Variants in PHGDH observed in about 807,000 individuals in gnomAD.
The protein encoded by PHGDH is phosphoglycerate dehydrogenase.
In PHGDH, 50 loss-of-function variants were observed where a neutral mutation model predicts 52.6. That is an observed-to-expected ratio of 0.95 (90% CI 0.76 to 1.20). The LOEUF is 1.20. Ranked by LOEUF, PHGDH falls within the 50% of genes most tolerant of loss-of-function variation. The pLI, the probability that PHGDH is intolerant of heterozygous loss-of-function variation, is 0.00. For synonymous variants in PHGDH, 271 were observed against 280.5 expected, an observed-to-expected ratio of 0.97 and a Z score of 0.34; for missense variants, 630 against 684.6, an observed-to-expected ratio of 0.92 and a Z score of 0.89.
rs587763066 is a variant in PHGDH at position 119,714,213 on chromosome 1, C to T, written c.138+2053C>T. Among the ~76,000 whole-genome samples the T allele has an allele frequency of 1.1e-3, 163 of 152,264 alleles. 1 individual carries two copies. The highest frequency in any genetic ancestry group is 3.8e-3 in the African/African-American group (159 of 41,532). On this transcript the variant is annotated intron_variant, in intron 1 of 11. Transcript: ENST00000641023. ...TGAAGAGGTGTCTGGCATAGTGTCT[C>T]CTGCCCTCCCCCACTGAAGTCTCTT...
intron 10 of PHGDH, 186 bp from the exon 11 acceptor site, chr1:119,742,621 T>C (rs1557982708): frequency 3.1e-6 from 2 of 641,890 alleles, no homozygotes; most frequent in Non-Finnish European, 5.7e-6. Flanking sequence ...CATTGGCTGT[T>C]CCAGGAAGCT....
At chr1:119,714,592 C>T (rs999613106) in intron 1 of PHGDH, 2 of 152,200 alleles carry the variant, frequency 1.3e-5, no homozygotes, top group Admixed American at 1.3e-4. Context: ...CTTGGCCGGG[C>T]GCGGTGGCTC....
At chr1:119,741,982 G>A (rs910786754) in intron 10 of PHGDH, 85 bp downstream of exon 10, 110 of 1,180,398 alleles carry the variant, frequency 9.3e-5, no homozygotes, top group Non-Finnish European at 1.1e-4. Flanking sequence ...TTCTCTGAGC[G>A]GAGGCCTAGG....
chr1:119,738,863 T>C (rs868446918), intron 8 of PHGDH, among the ~76,000 whole-genome samples: 1 of 152,182 alleles, frequency 6.6e-6, no homozygotes, highest in Non-Finnish European at 1.5e-5. Context: ...GTGTATCTGC[T>C]GCAGGACACA....
chr1:119,723,497 C>T, intron 3 of PHGDH, 56 bp downstream of exon 3: 2 of 1,347,014 alleles, frequency 1.5e-6, no homozygotes. Flanking sequence ...ATTATTACCA[C>T]TTGCCAAGCA....
chr1:119,723,441 G>C lies in PHGDH; in HGVS notation c.356G>C (p.Arg119Thr). The change falls in exon 3 of 12, where the codon AGG (arginine) becomes ACG (threonine). Residue 119 changes from arginine (R) to threonine (T), a missense_variant and splice_region_variant. Transcript: ENST00000641023. ...LTCGMIMCLARQIPQATASMK... is the reference protein window; with the variant it reads ...LTCGMIMCLATQIPQATASMK... ...TGTGGAATGATCATGTGCCTGGCCA[G>C]GTAAGTCCCTGACTTCTCAGCAAAG... 1.2e-6 allele frequency: 2 copies of C among 1,612,164 alleles called. No individual in the cohort carries two copies. Among genetic ancestry groups the C allele is most frequent in the South Asian group, 1.1e-5 (1 of 91,042 alleles).
At chr1:119,732,475 A>T (rs1453137833) in intron 5 of PHGDH, among the ~76,000 whole-genome samples, 1 of 152,170 alleles carries the variant, frequency 6.6e-6, no homozygotes, top group Non-Finnish European at 1.5e-5. Flanking sequence ...CCTTTCCAGG[A>T]CACACCAGGA....
intron 5 of PHGDH, 151 bp from the exon 6 acceptor site, chr1:119,734,483 C>G (rs1253333534): frequency 5.1e-6 from 4 of 776,778 alleles, no homozygotes; most frequent in Non-Finnish European, 9.1e-6. Flanking sequence ...GAACATGGTA[C>G]TTAGTGTATG....
intron 5 of PHGDH, among the ~76,000 whole-genome samples, chr1:119,732,262 C>T (rs1348339733): frequency 6.6e-6 from 1 of 152,236 alleles, no homozygotes; most frequent in Admixed American, 6.5e-5. Flanking sequence ...TGACCTCAGG[C>T]AGGTAGGAGC....
intron 6 of PHGDH, 109 bp downstream of exon 6, chr1:119,734,875 G>A (rs759970721): frequency 4.3e-6 from 5 of 1,170,772 alleles, no homozygotes; most frequent in Non-Finnish European, 5.1e-6. Context: ...TGTGGGGAGA[G>A]GTCCACCTGG....
At chr1:119,718,440 G>T (rs759518285) in intron 1 of PHGDH, among the ~76,000 whole-genome samples, 1 of 152,192 alleles carries the variant, frequency 6.6e-6, no homozygotes, top group Non-Finnish European at 1.5e-5. Flanking sequence ...TCTCTCCAAG[G>T]GATTTTACAG....
intron 1 of PHGDH, 126 bp downstream of exon 1, chr1:119,712,286 T>A: frequency 2.8e-6 from 2 of 716,086 alleles, no homozygotes; most frequent in Non-Finnish European, 4.8e-6. Context: ...CCTCCTGAGA[T>A]TGGGGGGTAG....
rs1417577213 is a variant in PHGDH, at chr1:119,723,452, G to C, written c.356+11G>C. ...CATGTGCCTGGCCAGGTAAGTCCCT[G>C]ACTTCTCAGCAAAGCTAGTCTCTCC... On this transcript the variant is annotated intron_variant, in intron 3 of 11. Coordinates refer to ENST00000641023, the MANE Select transcript of PHGDH (RefSeq NM_006623.4). The C allele has an allele frequency of 1.9e-6, 3 of 1,605,630 alleles. No homozygotes were observed. Among genetic ancestry groups the C allele is most frequent in the Non-Finnish European group, 2.6e-6 (3 of 1,172,434 alleles).
chr1:119,734,528 G>A, intron 5 of PHGDH, 106 bp from the exon 6 acceptor site: 1 of 1,012,494 alleles, frequency 9.9e-7, no homozygotes, highest in East Asian at 2.4e-5. Flanking sequence ...AGCTGAGCAT[G>A]GTAGTTAGTA....
chr1:119,717,574 AG>A (rs1650989325), intron 1 of PHGDH, among the ~76,000 whole-genome samples: 1 of 152,198 alleles, frequency 6.6e-6, no homozygotes, highest in African/African-American at 2.4e-5. Context: ...GAAGTGAGGT[AG>A]CAATCTATTA....
intron 1 of PHGDH, among the ~76,000 whole-genome samples, chr1:119,713,892 G>A (rs1650809280): frequency 6.6e-6 from 1 of 152,160 alleles, no homozygotes; most frequent in South Asian, 2.1e-4. Flanking sequence ...AGAATTGAGA[G>A]GAATGGGAGG....
In PHGDH at chr1:119,716,936, A is replaced by G. The variant is rs951833382; in HGVS notation, c.139-4234A>G. 2.6e-5 allele frequency among the ~76,000 whole-genome samples: 4 copies of G among 152,298 alleles called. No individual in the cohort carries two copies. The East Asian group carries it at 7.7e-4, about 29-fold the overall frequency. On this transcript the variant is annotated intron_variant, in intron 1 of 11. Transcript: ENST00000641023. ...TTTCTTTCTGCCAAAATGATGCCCA[A>G]AAATATCATATTTAAAAATCTATAT... is the stretch of plus-strand genomic sequence containing the variant.
intron 5 of PHGDH, chr1:119,729,659 T>G (rs587682631): frequency 1.5e-4 from 23 of 152,344 alleles, no homozygotes; most frequent in African/African-American, 5.1e-4. Flanking sequence ...CATCTGGCAC[T>G]GCCCAACTCT....
At chr1:119,718,990 C>G (rs1420348549) in intron 1 of PHGDH, among the ~76,000 whole-genome samples, 1 of 152,102 alleles carries the variant, frequency 6.6e-6, no homozygotes, top group African/African-American at 2.4e-5. Context: ...TTTATTGCAC[C>G]TTGAAAAGTC....
Sources: gnomAD v4.1 joint callset for allele counts (sites outside exome capture counted in the v4.1 genomes callset) on GRCh38, gnomAD v4.1.1 for gene constraint, MANE v1.5 for transcripts, NCBI Gene and HGNC (gene_info 2026-07-23, HGNC 2026-07-21) for gene names.